Variants in FBXO39 observed in about 807,000 individuals in gnomAD.
FBXO39 encodes the protein F-box protein 39.
Under a neutral mutation model 36.6 loss-of-function variants are expected in FBXO39, and 22 were observed. The ratio of observed to expected loss-of-function variants is 0.60; its 90% CI spans 0.43 to 0.86. The LOEUF is 0.86. Among genes scored for constraint, FBXO39 ranks in the 40% least tolerant of loss-of-function variants. FBXO39 has a pLI of 0.00. For synonymous variants in FBXO39, 206 were observed against 205.8 expected (o/e 1.00, Z -0.01); for missense variants, 536 against 543.9 (o/e 0.99, Z 0.14).
intron 2 of FBXO39, among the ~76,000 whole-genome samples, chr17:6,781,871 A>G (rs991380657): frequency 3.9e-5 from 6 of 152,210 alleles, no homozygotes; most frequent in African/African-American, 1.4e-4. Flanking sequence ...TCAATCTGAA[A>G]GAAAAAGGCA....
At chr17:6,778,585 G>C (rs1243455119) in intron 1 of FBXO39, among the ~76,000 whole-genome samples, 2 of 152,124 alleles carry the variant, frequency 1.3e-5, no homozygotes, top group Non-Finnish European at 2.9e-5. Flanking sequence ...AATTTTATGA[G>C]CCATGATCAA....
In FBXO39 at chr17:6,780,469, G is replaced by A. The variant is rs546513446; in HGVS notation, c.601G>A (p.Glu201Lys). 1.8e-5 allele frequency: 29 copies of A among 1,613,944 alleles called. No individual in the cohort carries two copies. The highest frequency in any genetic ancestry group is 2.4e-5 in the Non-Finnish European group (28 of 1,180,036). Residue 201 changes from glutamate to lysine, a missense_variant, in exon 2 of 4, where the codon GAG becomes AAG. By Grantham distance (56) the Glu-to-Lys change is moderately conservative (BLOSUM62 1). Coordinates refer to ENST00000321535, the MANE Select transcript of FBXO39 (RefSeq NM_153230.3). Reference sequence around the variant, plus strand: ...GAATGTGATCTCAGAGCTCAACATCGAGGACTATTTCAGCCATCACCTTGC... The same window carrying A: ...GAATGTGATCTCAGAGCTCAACATCAAGGACTATTTCAGCCATCACCTTGC... ...NENVISELNIEDYFSHHLAVY... is the reference protein window; with the variant it reads ...NENVISELNIKDYFSHHLAVY...
intron 1 of FBXO39, 42 bp from the exon 2 acceptor site, chr17:6,779,747 T>A (rs1976479730): frequency 9.3e-7 from 1 of 1,074,422 alleles, no homozygotes; most frequent in Non-Finnish European, 1.3e-6. Context: ...GAGTTTAATC[T>A]CTGTTTGACA....
chr17:6,777,355 C>T (rs1199964593), intron 1 of FBXO39, among the ~76,000 whole-genome samples: 1 of 152,084 alleles, frequency 6.6e-6, no homozygotes, highest in Non-Finnish European at 1.5e-5. Flanking sequence ...TGAGAACATG[C>T]AGTGTTTGAT....
chr17:6,787,223 CGTGTGTGTGTGTGTATGT>C, intron 3 of FBXO39, 59 bp from the exon 4 acceptor site: 2 of 1,397,114 alleles, frequency 1.4e-6, no homozygotes, highest in Middle Eastern at 1.8e-4. Flanking sequence ...GTGTAGTCAC[CGTGTGTGTGTGTGTATGT>C]GTGTGTGTGT....
At chr17:6,779,619 C>T (rs1005232836) in intron 1 of FBXO39, among the ~76,000 whole-genome samples, 170 bp from the exon 2 acceptor site, 1 of 152,190 alleles carries the variant, frequency 6.6e-6, no homozygotes, top group Admixed American at 6.5e-5. Flanking sequence ...GGTCTGTATC[C>T]CTGGATAGAC....
In FBXO39 at chr17:6,780,854, TGATA is replaced by T. The variant is rs775766258; in HGVS notation, c.990_993del (p.Asp331SerfsTer12). 6 of 1,613,536 alleles carry T rather than the reference TGATA, an allele frequency of 3.7e-6. No individual in the cohort carries two copies. The highest frequency in any genetic ancestry group is 5.1e-6 in the Non-Finnish European group (6 of 1,179,998). On this transcript the variant is annotated frameshift_variant, in exon 2 of 4. Coordinates refer to ENST00000321535, the MANE Select transcript of FBXO39 (RefSeq NM_153230.3). LOFTEE classifies it high-confidence loss of function. ...CCAGACTGTTCAATGAGACCCACTCTGATAGATCTCCTGCCCACCTTCCGGCACA... is the reference window on the plus strand; with the variant it reads ...CCAGACTGTTCAATGAGACCCACTCTGATCTCCTGCCCACCTTCCGGCACA...
In FBXO39 at chr17:6,780,147, G is replaced by C; in HGVS notation, c.279G>C (p.Glu93Asp). Residue 93 changes from glutamate to aspartate, a missense_variant, in exon 2 of 4, where the codon GAG (glutamate) becomes GAC (aspartate). Transcript: ENST00000321535. ...KKFGRYLEHL[E>D]VKFMNPYNAV... ...TTGGTCGTTATCTGGAGCACCTGGA[G>C]GTCAAATTCATGAATCCTTACAATG... 1 of 1,614,190 alleles carries C rather than the reference G, an allele frequency of 6.2e-7. No individual in the cohort carries two copies. Among genetic ancestry groups the C allele is most frequent in the Non-Finnish European group, 8.5e-7 (1 of 1,180,026 alleles).
intron 2 of FBXO39, among the ~76,000 whole-genome samples, chr17:6,786,100 C>T (rs1013888987): frequency 6.6e-6 from 1 of 152,178 alleles, no homozygotes; most frequent in Non-Finnish European, 1.5e-5. Context: ...TTGGAAGCAA[C>T]CTAAGTGTCC....
Position 6,787,613 on chromosome 17 carries a change from C to G in FBXO39, c.*185C>G. The G allele has an allele frequency of 3.5e-6, 2 of 576,360 alleles. No homozygotes were observed. Among genetic ancestry groups the G allele is most frequent in the Non-Finnish European group, 5.9e-6 (2 of 338,838 alleles). The allele number at this position is 576,360 out of a possible 1,614,324, so 35.7% of individuals were successfully genotyped here. On this transcript the variant is annotated 3_prime_UTR_variant, in exon 4 of 4. Transcript: ENST00000321535. Reference sequence around the variant, plus strand: ...TGAGACTGCCCATGACCTGAAGGCTCCAGGTGGCTTTAAAGCGCTATGTTT... The same window carrying G: ...TGAGACTGCCCATGACCTGAAGGCTGCAGGTGGCTTTAAAGCGCTATGTTT...
chr17:6,782,034 A>T (rs1976514182), intron 2 of FBXO39, among the ~76,000 whole-genome samples: 1 of 152,248 alleles, frequency 6.6e-6, no homozygotes, highest in East Asian at 1.9e-4. Flanking sequence ...CAAACATATA[A>T]GCTGATCGAA....
Position 6,780,125 on chromosome 17 carries a change from G to A in FBXO39, c.257G>A (p.Gly86Asp), listed in dbSNP as rs1055114273. ...GCTGTTTGGTATGTTAAGAAGTTTG[G>A]TCGTTATCTGGAGCACCTGGAGGTC... ...ESAVWYVKKF[G>D]RYLEHLEVKF... is the part of the protein sequence containing the mutation. The change falls in exon 2 of 4, where the codon GGT (glycine) becomes GAT (aspartate). Residue 86 changes from glycine to aspartate, a missense_variant. Coordinates refer to ENST00000321535, the MANE Select transcript of FBXO39 (RefSeq NM_153230.3). The A allele has an allele frequency of 6.2e-7, 1 of 1,614,182 alleles. No individual in the cohort carries two copies. The highest frequency in any genetic ancestry group is 8.5e-7 in the Non-Finnish European group (1 of 1,180,042).
Position 6,780,771 on chromosome 17 carries a change from C to A in FBXO39, c.903C>A (p.Ile301=). Reference sequence around the variant, plus strand: ...TGAAGTACGAACGCTTGGCCCGAATCCTCTTGCAGGAGATCCCGATCAGGA... The same window carrying A: ...TGAAGTACGAACGCTTGGCCCGAATACTCTTGCAGGAGATCCCGATCAGGA... ...RIMKYERLAR[I]LLQEIPIRSI... Residue 301 remains isoleucine, a synonymous_variant, in exon 2 of 4, where the codon ATC becomes ATA. Coordinates refer to ENST00000321535, the MANE Select transcript of FBXO39 (RefSeq NM_153230.3). 1 of 1,614,168 alleles carries A rather than the reference C, an allele frequency of 6.2e-7. No homozygotes were observed. The highest frequency in any genetic ancestry group is 8.5e-7 in the Non-Finnish European group (1 of 1,180,042).
chr17:6,777,192 T>C (rs1976434262), intron 1 of FBXO39, among the ~76,000 whole-genome samples: 1 of 152,094 alleles, frequency 6.6e-6, no homozygotes, highest in Non-Finnish European at 1.5e-5. Flanking sequence ...GCTGCACCCA[T>C]CAACCTGTCA....
At position 6,787,551 on chromosome 17, in the gene FBXO39, G is replaced by A; in HGVS notation, c.*123G>A. ...TCTCTCCCCTCCACTTTTTTTTTTT[G>A]TCAGCTCCATGACAACATGACCAGC... On this transcript the variant is annotated 3_prime_UTR_variant, in exon 4 of 4. Transcript: ENST00000321535. The A allele has an allele frequency of 1.0e-6, 1 of 984,550 alleles. No individual in the cohort carries two copies. The highest frequency in any genetic ancestry group is 1.5e-6 in the Non-Finnish European group (1 of 681,382). 61.0% of individuals were successfully genotyped at this position (984,550 alleles called of 1,614,324 possible).
rs756808686 is a variant in FBXO39 at position 6,787,238 on chromosome 17, ATG to A, written c.1201-47_1201-46del. The A allele has an allele frequency of 4.3e-3, 3,520 of 818,790 alleles. 2 individuals are homozygous for A. The highest frequency in any genetic ancestry group is 0.016 in the East Asian group (108 of 6,618). 50.7% of individuals were successfully genotyped at this position (818,790 alleles called of 1,614,324 possible). A position where few individuals can be genotyped will look rare whatever the true frequency, so the allele number is the denominator to read the frequency against. ...GTGTAGTCACCGTGTGTGTGTGTGT[ATG>A]TGTGTGTGTGTGTGCGTGTGTGCGT... On this transcript the variant is annotated intron_variant, in intron 3 of 3. Transcript: ENST00000321535.
chr17:6,777,301 T>C (rs980769378), intron 1 of FBXO39, among the ~76,000 whole-genome samples: 2 of 151,966 alleles, frequency 1.3e-5, no homozygotes, highest in Admixed American at 6.6e-5. Flanking sequence ...GATGTTCCTC[T>C]CCCTGTGTCC....
At position 6,787,617 on chromosome 17, in the gene FBXO39, G is replaced by GTCA; in HGVS notation, c.*190_*191insCAT. 1 of 567,290 alleles carries GTCA rather than the reference G, an allele frequency of 1.8e-6. No individual in the cohort carries two copies. Among genetic ancestry groups the GTCA allele is most frequent in the Non-Finnish European group, 3.0e-6 (1 of 333,152 alleles). The allele number at this position is 567,290 out of a possible 1,614,324, so 35.1% of individuals were successfully genotyped here. On this transcript the variant is annotated 3_prime_UTR_variant, in exon 4 of 4. Coordinates refer to ENST00000321535, the MANE Select transcript of FBXO39 (RefSeq NM_153230.3). Reference sequence around the variant, plus strand: ...ACTGCCCATGACCTGAAGGCTCCAGGTGGCTTTAAAGCGCTATGTTTACCA... The same window carrying GTCA: ...ACTGCCCATGACCTGAAGGCTCCAGGTCATGGCTTTAAAGCGCTATGTTTACCA...
chr17:6,785,334 A>AAAATC (rs1400291617), intron 2 of FBXO39, among the ~76,000 whole-genome samples: 1 of 152,208 alleles, frequency 6.6e-6, no homozygotes, highest in Non-Finnish European at 1.5e-5. Context: ...GCCATATATG[A>AAAATC]AAATCAAATC....
Sources: gnomAD v4.1 joint callset for allele counts (sites outside exome capture counted in the v4.1 genomes callset) on GRCh38, gnomAD v4.1.1 for gene constraint, MANE v1.5 for transcripts, NCBI Gene and HGNC (gene_info 2026-07-23, HGNC 2026-07-21) for gene names.